The following VPS35L variants were observed in gnomAD, a reference collection of about 807,000 sequenced individuals.
VPS35L encodes the protein VPS35 endosomal protein-sorting factor-like.
In VPS35L, 83 loss-of-function variants were observed where a neutral mutation model predicts 133.0. That is an observed-to-expected ratio of 0.62 (90% CI 0.52 to 0.75). The LOEUF (loss-of-function observed/expected upper bound fraction) is 0.75, where lower values mean the gene tolerates loss of function less well. VPS35L is among the 30% of genes least tolerant of loss of function. VPS35L has a pLI of 0.00. For synonymous variants in VPS35L, 423 were observed against 449.9 expected (o/e 0.94, Z 0.76); for missense variants, 1,083 against 1,206.8 (o/e 0.90, Z 1.52).
In VPS35L at chr16:19,591,472, T is replaced by C. The variant is rs186888768; in HGVS notation, c.640-318T>C. Among the ~76,000 whole-genome samples, 445 of 152,078 alleles carry C rather than the reference T, an allele frequency of 2.9e-3. 4 individuals carry two copies. Among genetic ancestry groups the C allele is most frequent in the African/African-American group, 0.01 (435 of 41,498 alleles). On this transcript the variant is annotated intron_variant, in intron 7 of 30. Transcript: ENST00000417362. ...GGCTCACGCCTGTAATTCCAGCACT[T>C]TGGGAGGCTGAGGTGGGAGGATCAC...
intron 14 of VPS35L, among the ~76,000 whole-genome samples, chr16:19,619,034 G>A (rs1972991358): frequency 6.6e-6 from 1 of 151,372 alleles, no homozygotes; most frequent in African/African-American, 2.4e-5. Flanking sequence ...AGGTTCAAGC[G>A]ATTCTCATGC....
At chr16:19,681,339 A>T (rs1975269414) in intron 27 of VPS35L, among the ~76,000 whole-genome samples, 1 of 152,222 alleles carries the variant, frequency 6.6e-6, no homozygotes, top group African/African-American at 2.4e-5. Flanking sequence ...GCAAGACTAC[A>T]TCTTGGGCTA....
intron 14 of VPS35L, 166 bp downstream of exon 14, chr16:19,616,974 T>A: frequency 9.9e-7 from 1 of 1,014,958 alleles, no homozygotes. Context: ...CTGTGCTGAG[T>A]GCTTTTCTGA....
intron 8 of VPS35L, among the ~76,000 whole-genome samples, chr16:19,600,003 T>C (rs886216269): frequency 6.6e-6 from 1 of 152,220 alleles, no homozygotes; most frequent in Non-Finnish European, 1.5e-5. Context: ...ATCACGCCAC[T>C]GCACTGCAGC....
At position 19,591,888 on chromosome 16, in the gene VPS35L, A is replaced by T; in HGVS notation, c.724+14A>T. Reference sequence around the variant, plus strand: ...TTGATACATTTGGTAAGTACCTGTCATATGCATCTTAGATCTAGGAAATGT... The same window carrying T: ...TTGATACATTTGGTAAGTACCTGTCTTATGCATCTTAGATCTAGGAAATGT... On this transcript the variant is annotated intron_variant, in intron 8 of 30. Transcript: ENST00000417362. 6.4e-7 allele frequency: 1 copy of T among 1,558,374 alleles called. No individual in the cohort carries two copies. Among genetic ancestry groups the T allele is most frequent in the South Asian group, 1.1e-5 (1 of 89,858 alleles).
At chr16:19,573,994 C>A (rs773793884) in intron 4 of VPS35L, among the ~76,000 whole-genome samples, 1 of 152,046 alleles carries the variant, frequency 6.6e-6, no homozygotes, top group African/African-American at 2.4e-5. Context: ...AAGACACTTA[C>A]GAAATTCGAG....
At chr16:19,600,049 A>G (rs1001865568) in intron 8 of VPS35L, among the ~76,000 whole-genome samples, 1 of 152,190 alleles carries the variant, frequency 6.6e-6, no homozygotes, top group Non-Finnish European at 1.5e-5. Context: ...AAGTGAATGA[A>G]GGAATGAATG....
At chr16:19,658,900 C>T (rs545697163) in intron 26 of VPS35L, among the ~76,000 whole-genome samples, 42 of 152,108 alleles carry the variant, frequency 2.8e-4, no homozygotes, top group African/African-American at 8.9e-4. Context: ...TTATTCAGTA[C>T]GTATTATTAG....
At chr16:19,644,531 C>A (rs936895197) in intron 22 of VPS35L, among the ~76,000 whole-genome samples, 2 of 152,146 alleles carry the variant, frequency 1.3e-5, no homozygotes, top group South Asian at 2.1e-4. Flanking sequence ...AACCAGCACA[C>A]CCCGCTGGAG....
At chr16:19,622,140 CTTTTTTTTTTTT>C (rs60521137) in intron 14 of VPS35L, among the ~76,000 whole-genome samples, 1 of 107,918 alleles carries the variant, frequency 9.3e-6, no homozygotes, top group African/African-American at 3.4e-5. Context: ...CCATGTATAT[CTTTTTTTTTTTT>C]TTTTTTTTTT....
At chr16:19,597,736 C>T (rs927769990) in intron 8 of VPS35L, among the ~76,000 whole-genome samples, 2 of 152,140 alleles carry the variant, frequency 1.3e-5, no homozygotes, top group Admixed American at 1.3e-4. Context: ...TTGAGGCAGC[C>T]TGCATGGACA....
intron 9 of VPS35L, among the ~76,000 whole-genome samples, chr16:19,603,030 G>C (rs1972434739): frequency 6.6e-6 from 1 of 152,098 alleles, no homozygotes; most frequent in East Asian, 1.9e-4. Context: ...CTCCCAAAGT[G>C]CTGGGATTAT....
At chr16:19,571,343 A>C (rs1347335573) in intron 3 of VPS35L, among the ~76,000 whole-genome samples, 2 of 151,874 alleles carry the variant, frequency 1.3e-5, no homozygotes, top group Admixed American at 6.6e-5. Flanking sequence ...CAGCCTCTCG[A>C]GCAGCTGGGA....
chr16:19,691,835 T>A (rs553824271), intron 29 of VPS35L, among the ~76,000 whole-genome samples: 1 of 151,342 alleles, frequency 6.6e-6, no homozygotes, highest in East Asian at 1.9e-4. Flanking sequence ...ATCCCTCAGC[T>A]CCCTGACTAG....
At position 19,592,640 on chromosome 16, in the gene VPS35L, C is replaced by G. The variant is rs541183017; in HGVS notation, c.724+766C>G. 1.6e-3 allele frequency among the ~76,000 whole-genome samples: 240 copies of G among 152,018 alleles called. 4 individuals are homozygous for G. The highest frequency in any genetic ancestry group is 2.1e-4 in the Non-Finnish European group (14 of 67,954). ...GTCACCAGATTCTTCGGTTCAGCCT[C>G]CTAAAGCTCTCCCCAGCATGTCTAT... On this transcript the variant is annotated intron_variant, in intron 8 of 30. Transcript: ENST00000417362.
chr16:19,651,935 C>A, intron 25 of VPS35L, 41 bp from the exon 26 acceptor site: 1 of 1,382,224 alleles, frequency 7.2e-7, no homozygotes, highest in Non-Finnish European at 1.0e-6. Flanking sequence ...GATTCTGCCA[C>A]CGTTGCACTG....
intron 5 of VPS35L, chr16:19,578,215 C>T (rs1442822781): frequency 2.2e-6 from 1 of 447,010 alleles, no homozygotes; most frequent in Non-Finnish European, 4.4e-6. Context: ...ACTCTTAAAA[C>T]CTAAAACATT....
At chr16:19,604,797 T>C (rs1972492696) in intron 9 of VPS35L, among the ~76,000 whole-genome samples, 1 of 152,204 alleles carries the variant, frequency 6.6e-6, no homozygotes, top group African/African-American at 2.4e-5. Flanking sequence ...CTTCAGGAAT[T>C]TTAACTAAGG....
At position 19,633,202 on chromosome 16, in the gene VPS35L, T is replaced by G; in HGVS notation, c.1635+30T>G. 6.3e-7 allele frequency: 1 copy of G among 1,597,316 alleles called. No homozygotes were observed. Among genetic ancestry groups the G allele is most frequent in the Admixed American group, 1.7e-5 (1 of 59,996 alleles). ...CAGATTTGCATTTCTCATTTCAACA[T>G]TGTTAGGAATTTTGTTCTGTTGAAT... On this transcript the variant is annotated intron_variant, in intron 19 of 30. Coordinates refer to ENST00000417362, the MANE Select transcript of VPS35L (RefSeq NM_020314.7). The surrounding 1 kb of genome is among the most constrained non-coding windows in gnomAD (Gnocchi z 4.1).
Sources: allele counts gnomAD v4.1 joint callset (sites outside exome capture counted in the v4.1 genomes callset), GRCh38; gene constraint gnomAD v4.1.1; non-coding constraint Gnocchi (gnomAD v3.1); transcripts MANE v1.5; gene names NCBI Gene and HGNC (gene_info 2026-07-23, HGNC 2026-07-21).